PDHB: variants seen among roughly 807,000 people sequenced by gnomAD.
The protein encoded by PDHB is pyruvate dehydrogenase E1 component subunit beta, mitochondrial.
A neutral mutation model predicts 42.8 loss-of-function variants in PDHB; 17 were observed. The ratio of observed to expected loss-of-function variants is 0.40; its 90% CI spans 0.27 to 0.60. The LOEUF is 0.60. Ranked by LOEUF, PDHB falls within the 20% of genes least tolerant of loss-of-function variation. The pLI is 0.46. For missense variants in PDHB, 322 were observed against 451.3 expected (o/e 0.71, Z 2.60); for synonymous variants, 154 against 148.7 (o/e 1.04, Z -0.26).
In PDHB at chr3:58,433,382, T is replaced by TG; in HGVS notation, c.96+248dup. On this transcript the variant is annotated intron_variant, in intron 2 of 9. Transcript: ENST00000302746. ...TTGCTGCAATTTAAAGAAAAAAACA[T>TG]GGAGTGAGGGAGGAAACGCCTAGTC... 5 of 595,950 alleles carry TG rather than the reference T, an allele frequency of 8.4e-6. No individual in the cohort carries two copies. In the South Asian group the frequency reaches 1.0e-4, roughly 12 times the overall value. 36.9% of individuals were successfully genotyped at this position (595,950 alleles called of 1,614,324 possible). A position where few individuals can be genotyped will look rare whatever the true frequency, so the allele number is the denominator to read the frequency against.
intron 8 of PDHB, 139 bp from the exon 9 acceptor site, chr3:58,428,753 T>TA: frequency 1.3e-6 from 1 of 748,436 alleles, no homozygotes; most frequent in Non-Finnish European, 2.2e-6. Flanking sequence ...TACCTATTCA[T>TA]GAATGTACAA....
In PDHB at chr3:58,431,943, C is replaced by A; in HGVS notation, c.138G>T (p.Glu46Asp). The change falls in exon 3 of 10, where the codon GAG becomes GAT. Residue 46 changes from glutamate to aspartate, a missense_variant. Transcript: ENST00000302746. This position sits in a 1 kb window ranked among gnomAD's most constrained non-coding sequence, Gnocchi z 4.4. ...RDAINQGMDEELERDEKVFLL... is the reference protein window; with the variant it reads ...RDAINQGMDEDLERDEKVFLL... ...GAAATACCTTCTCATCTCTTTCCAG[C>A]TCCTCATCCATACCCTGATTTATAG... 6.2e-6 allele frequency: 10 copies of A among 1,614,024 alleles called. No homozygotes were observed. Among genetic ancestry groups the A allele is most frequent in the Non-Finnish European group, 8.5e-6 (10 of 1,179,876 alleles).
intron 8 of PDHB, 192 bp from the exon 9 acceptor site, chr3:58,428,806 T>G (rs1475845744): frequency 3.3e-6 from 2 of 606,254 alleles, no homozygotes; most frequent in African/African-American, 3.7e-5. Flanking sequence ...GATCTGTATG[T>G]CTACCACAAG....
In PDHB at chr3:58,427,721, T is replaced by C; in HGVS notation, c.*313A>G. 2.1e-6 allele frequency: 1 copy of C among 474,634 alleles called. No homozygotes were observed. The highest frequency in any genetic ancestry group is 4.1e-6 in the Non-Finnish European group (1 of 242,106). 29.4% of individuals were successfully genotyped at this position (474,634 alleles called of 1,614,324 possible). A position where few individuals can be genotyped will look rare whatever the true frequency, so the allele number is the denominator to read the frequency against. ...ATTTTATACATATAAGTTATCTTGT[T>C]TGGATACATCTTTCATGAGGACTCT... On this transcript the variant is annotated 3_prime_UTR_variant, in exon 10 of 10. Transcript: ENST00000302746.
intron 8 of PDHB, among the ~76,000 whole-genome samples, chr3:58,429,258 A>C (rs932467439): frequency 6.6e-6 from 1 of 152,176 alleles, no homozygotes. Flanking sequence ...TTTATAGCTG[A>C]TGAAACAGAT....
intron 8 of PDHB, 120 bp from the exon 9 acceptor site, chr3:58,428,734 GC>G: frequency 1.2e-6 from 1 of 869,468 alleles, no homozygotes; most frequent in Non-Finnish European, 1.9e-6. Flanking sequence ...AATCTAATCT[GC>G]CTATGAATAC....
Position 58,431,247 on chromosome 3 carries a change from G to A in PDHB, c.304-305C>T. On this transcript the variant is annotated intron_variant, in intron 5 of 9. Coordinates refer to ENST00000302746, the MANE Select transcript of PDHB (RefSeq NM_000925.4). This position sits in a 1 kb window ranked among gnomAD's most constrained non-coding sequence, Gnocchi z 4.4. ...TTTTCCCAAATGATGTTTTTAAAAG[G>A]TGATGTTAAATCTCTTTGGGGATGG... is the stretch of plus-strand genomic sequence containing the variant. 4.3e-6 allele frequency: 2 copies of A among 469,014 alleles called. No homozygotes were observed. The highest frequency in any genetic ancestry group is 7.7e-6 in the Non-Finnish European group (2 of 258,416). 29.1% of individuals were successfully genotyped at this position (469,014 alleles called of 1,614,324 possible).
At position 58,431,496 on chromosome 3, in the gene PDHB, A is replaced by G. The variant is rs918246541; in HGVS notation, c.303+97T>C. ...CTGGAAGCTGAGATGGTGCCAGTGC[A>G]CTCCAGGCTGGACAACAGAGTGAGA... On this transcript the variant is annotated intron_variant, in intron 5 of 9. Transcript: ENST00000302746. This position sits in a 1 kb window ranked among gnomAD's most constrained non-coding sequence, Gnocchi z 4.4. The G allele has an allele frequency of 1.0e-6, 1 of 953,978 alleles. No individual in the cohort carries two copies. Among genetic ancestry groups the G allele is most frequent in the African/African-American group, 1.6e-5 (1 of 61,626 alleles). The allele number at this position is 953,978 out of a possible 1,614,324, so 59.1% of individuals were successfully genotyped here.
rs1179178002 is a variant in PDHB at position 58,427,918 on chromosome 3, CTGT to C, written c.*113_*115del. 7.6e-6 allele frequency: 6 copies of C among 789,736 alleles called. No individual in the cohort carries two copies. Among genetic ancestry groups the C allele is most frequent in the Non-Finnish European group, 1.3e-5 (6 of 465,316 alleles). The allele number at this position is 789,736 out of a possible 1,614,324, so 48.9% of individuals were successfully genotyped here. A position where few individuals can be genotyped will look rare whatever the true frequency, so the allele number is the denominator to read the frequency against. ...AAACTTCCCTGTACAAAAATACCTG[CTGT>C]TGCTTTAGAAATCGTTTTCCGTTAT... is the stretch of plus-strand genomic sequence containing the variant. On this transcript the variant is annotated 3_prime_UTR_variant, in exon 10 of 10. Transcript: ENST00000302746.
chr3:58,433,753 C>A lies in PDHB; in HGVS notation c.42+15G>T. 2.5e-6 allele frequency: 4 copies of A among 1,612,278 alleles called. No individual in the cohort carries two copies. Among genetic ancestry groups the A allele is most frequent in the Non-Finnish European group, 3.4e-6 (4 of 1,179,578 alleles). The stretch of plus-strand genomic sequence containing the variant: ...AGGGGTCGCGTGGGAATACAGGCCG[C>A]GCGCTGCTGCCTACCTCCCGAAGGG... On this transcript the variant is annotated intron_variant, in intron 1 of 9. Transcript: ENST00000302746.
chr3:58,429,956 C>T, intron 7 of PDHB, 157 bp from the exon 8 acceptor site: 1 of 732,968 alleles, frequency 1.4e-6, no homozygotes, highest in Non-Finnish European at 2.5e-6. Context: ...AAATGAAACA[C>T]AAACCTACCA....
intron 6 of PDHB, 53 bp from the exon 7 acceptor site, chr3:58,430,291 A>G: frequency 8.6e-7 from 1 of 1,159,778 alleles, no homozygotes. Context: ...CAGAATGACT[A>G]AAACTGCATA....
In PDHB at chr3:58,430,880, C is replaced by T. The variant is rs756767523; in HGVS notation, c.366G>A (p.Gln122=). ...AGGTCTTGGCAGCTGAGTTTATAAC[C>T]TGGTCAATGGCTTGCATGGAGAAAT... ...TFNFSMQAID[Q]VINSAAKTYY... is the part of the protein sequence containing the mutation. Residue 122 remains glutamine, a synonymous_variant, in exon 6 of 10, where the codon CAG becomes CAA. Transcript: ENST00000302746. 1 of 1,614,190 alleles carries T rather than the reference C, an allele frequency of 6.2e-7. No homozygotes were observed. Among genetic ancestry groups the T allele is most frequent in the Non-Finnish European group, 8.5e-7 (1 of 1,180,032 alleles).
At chr3:58,433,420 C>T in intron 2 of PDHB, 2 of 607,900 alleles carry the variant, frequency 3.3e-6, no homozygotes, top group Non-Finnish European at 5.9e-6. Context: ...AGTTTTCCCC[C>T]ATTGCCCAGC....
chr3:58,432,972 C>T (rs957492356), intron 2 of PDHB: 1 of 152,622 alleles, frequency 6.6e-6, no homozygotes, highest in African/African-American at 2.4e-5. Context: ...GCACTCCAAC[C>T]TGGGTGACAG....
chr3:58,430,207 C>T lies in PDHB; in HGVS notation c.621G>A (p.Gly207=), dbSNP rs2062908611. 2 of 1,611,082 alleles carry T rather than the reference C, an allele frequency of 1.2e-6. No individual in the cohort carries two copies. The highest frequency in any genetic ancestry group is 2.2e-5 in the South Asian group (2 of 90,752). ...VVVLENELMY[G]VPFEFPPEAQ... Reference sequence around the variant, plus strand: ...CTTCCGGAGGAAATTCAAAAGGAACCCCATACATCAATTCATTCTCTAGCA... The same window carrying T: ...CTTCCGGAGGAAATTCAAAAGGAACTCCATACATCAATTCATTCTCTAGCA... Residue 207 remains glycine (G), a synonymous_variant, in exon 7 of 10, where the codon GGG becomes GGA. Coordinates refer to ENST00000302746, the MANE Select transcript of PDHB (RefSeq NM_000925.4).
Position 58,431,883 on chromosome 3 carries a change from T to C in PDHB, c.198A>G (p.Ala66=), listed in dbSNP as rs138621975. 2,941 of 1,612,166 alleles carry C rather than the reference T, an allele frequency of 1.8e-3. 3 individuals are homozygous for C. The highest frequency in any genetic ancestry group is 2.4e-3 in the Non-Finnish European group (2,785 of 1,178,138). ...TTTCATATATTTTAGTTACCTTGTATGCCCCATCATACTGGGCAACTTCTT... is the reference window on the plus strand; with the variant it reads ...TTTCATATATTTTAGTTACCTTGTACGCCCCATCATACTGGGCAACTTCTT... ...LGEEVAQYDG[A]YKVSRGLWKK... The change falls in exon 3 of 10, where the codon GCA becomes GCG. Residue 66 remains alanine, a synonymous_variant. Coordinates refer to ENST00000302746, the MANE Select transcript of PDHB (RefSeq NM_000925.4). This position sits in a 1 kb window ranked among gnomAD's most constrained non-coding sequence, Gnocchi z 4.4.
Position 58,431,045 on chromosome 3 carries a change from T to TA in PDHB, c.304-104_304-103insT, listed in dbSNP as rs1553848499. ...CCAACATTCAAATAATGTTTTTATT[T>TA]TTTATTTTTATTTTTTATGGACAGG... On this transcript the variant is annotated intron_variant, in intron 5 of 9. Transcript: ENST00000302746. This position sits in a 1 kb window ranked among gnomAD's most constrained non-coding sequence, Gnocchi z 4.4. The TA allele has an allele frequency of 2.0e-6, 2 of 998,550 alleles. No individual in the cohort carries two copies. The highest frequency in any genetic ancestry group is 3.0e-6 in the Non-Finnish European group (2 of 665,530). The allele number at this position is 998,550 out of a possible 1,614,324, so 61.9% of individuals were successfully genotyped here.
chr3:58,432,092 C>A (rs527914728), intron 2 of PDHB, 108 bp from the exon 3 acceptor site: 5 of 746,986 alleles, frequency 6.7e-6, no homozygotes, highest in Non-Finnish European at 1.2e-5. Context: ...TATAAAAACA[C>A]TAGAACAAGC....
Sources: gnomAD v4.1 joint callset for allele counts (sites outside exome capture counted in the v4.1 genomes callset) on GRCh38, gnomAD v4.1.1 for gene constraint, Gnocchi (gnomAD v3.1) non-coding constraint, MANE v1.5 for transcripts, NCBI Gene and HGNC (gene_info 2026-07-23, HGNC 2026-07-21) for gene names.